NUP188: variants seen among roughly 807,000 people sequenced by gnomAD.
NUP188 encodes nucleoporin 188.
In NUP188, 97 loss-of-function variants were observed where a neutral mutation model predicts 223.0. The ratio of observed to expected loss-of-function variants is 0.43; its 90% CI spans 0.37 to 0.51. The LOEUF (loss-of-function observed/expected upper bound fraction) is 0.51, where lower values mean the gene tolerates loss of function less well. Among genes scored for constraint, NUP188 ranks in the 20% least tolerant of loss-of-function variants. The probability of loss-of-function intolerance (pLI) is 0.00; values close to 1 mark genes in which losing one functional copy is unlikely to be tolerated. For synonymous variants in NUP188, 869 were observed against 828.0 expected, an observed-to-expected ratio of 1.05 and a Z score of -0.85; for missense variants, 1,947 against 2,175.6, an observed-to-expected ratio of 0.89 and a Z score of 2.09.
intron 6 of NUP188, 95 bp from the exon 7 acceptor site, chr9:128,958,707 C>A: frequency 1.7e-6 from 1 of 575,182 alleles, no homozygotes; most frequent in Non-Finnish European, 2.9e-6. Context: ...TTGAACTTTT[C>A]CATCCACATC....
intron 12 of NUP188, among the ~76,000 whole-genome samples, chr9:128,976,262 A>G (rs1031152229): frequency 4.6e-5 from 7 of 152,208 alleles, no homozygotes; most frequent in African/African-American, 1.2e-4. Context: ...CCTGAAAACT[A>G]AATCACTCTG....
chr9:128,986,307 G>A (rs2131170311), intron 20 of NUP188, among the ~76,000 whole-genome samples: 1 of 152,188 alleles, frequency 6.6e-6, no homozygotes, highest in Middle Eastern at 3.4e-3. Context: ...TCCAGATTTA[G>A]CCTGCATCCC....
intron 2 of NUP188, among the ~76,000 whole-genome samples, chr9:128,950,949 A>C (rs1841774422): frequency 6.6e-6 from 1 of 152,174 alleles, no homozygotes; most frequent in Non-Finnish European, 1.5e-5. Flanking sequence ...CTTTTATGAA[A>C]AGATACCTGT....
In NUP188 at chr9:128,974,389, G is replaced by GTTTTTTTT. The variant is rs778841218; in HGVS notation, c.1203+1153_1203+1160dup. ...AGTAAGTCTTCTGCAGCAGGTTGTTGTTTTTTTTTTTTTTTTTTTTGAGAC... is the reference window on the plus strand; with the variant it reads ...AGTAAGTCTTCTGCAGCAGGTTGTTGTTTTTTTTTTTTTTTTTTTTTTTTTTTTGAGAC... On this transcript the variant is annotated intron_variant, in intron 12 of 43. Coordinates refer to ENST00000372577, the MANE Select transcript of NUP188 (RefSeq NM_015354.3). Among the ~76,000 whole-genome samples the GTTTTTTTT allele has an allele frequency of 4.4e-5, 5 of 113,332 alleles. 1 individual carries two copies. The highest frequency in any genetic ancestry group is 1.4e-4 in the African/African-American group (4 of 28,906). 74.4% of individuals were successfully genotyped at this position (113,332 alleles called of 152,430 possible). A position where few individuals can be genotyped will look rare whatever the true frequency, so the allele number is the denominator to read the frequency against.
chr9:128,947,917 C>A, intron 1 of NUP188, 166 bp downstream of exon 1: 1 of 511,750 alleles, frequency 2.0e-6, no homozygotes, highest in Non-Finnish European at 3.1e-6. Context: ...ACGGTCCCCG[C>A]GCGCGGGGAT....
chr9:128,955,983 T>G (rs1841863110), intron 3 of NUP188, among the ~76,000 whole-genome samples: 1 of 61,746 alleles, frequency 1.6e-5, no homozygotes, highest in Non-Finnish European at 2.7e-5. Flanking sequence ...GGTAAGTTAT[T>G]TACCCTAAGT....
intron 20 of NUP188, 87 bp downstream of exon 20, chr9:128,985,101 G>A: frequency 1.1e-6 from 1 of 909,618 alleles, no homozygotes; most frequent in Non-Finnish European, 1.7e-6. Flanking sequence ...CTGGCCCCTG[G>A]TGCTGTAATC....
chr9:128,959,127 A>G lies in NUP188; in HGVS notation c.578A>G (p.Asn193Ser). ...TEAPTWETHGNLMTERQVSRW... is the reference protein window; with the variant it reads ...TEAPTWETHGSLMTERQVSRW... ...GCACCAACTTGGGAGACACATGGAA[A>G]TCTCATGGTATGTGGTTACTGTGCT... Residue 193 changes from asparagine (N) to serine (S), a missense_variant, in exon 8 of 44, where the codon AAT becomes AGT. Coordinates refer to ENST00000372577, the MANE Select transcript of NUP188 (RefSeq NM_015354.3). 6.3e-7 allele frequency: 1 copy of G among 1,594,722 alleles called. No homozygotes were observed. The highest frequency in any genetic ancestry group is 1.7e-5 in the Admixed American group (1 of 57,394).
chr9:129,001,994 G>A lies in NUP188; in HGVS notation c.4137+18G>A. The A allele has an allele frequency of 1.9e-6, 3 of 1,604,188 alleles. No homozygotes were observed. Among genetic ancestry groups the A allele is most frequent in the Non-Finnish European group, 2.6e-6 (3 of 1,171,056 alleles). Reference sequence around the variant, plus strand: ...CAGCACAGGTGAGTGTCAGGAGCTTGCCAGGAGGCCCAGCCTGACCACCCT... The same window carrying A: ...CAGCACAGGTGAGTGTCAGGAGCTTACCAGGAGGCCCAGCCTGACCACCCT... On this transcript the variant is annotated intron_variant, in intron 36 of 43. Transcript: ENST00000372577.
At chr9:128,988,893 T>TTTTTG (rs1259789395) in intron 24 of NUP188, among the ~76,000 whole-genome samples, 7 of 151,688 alleles carry the variant, frequency 4.6e-5, no homozygotes, top group Non-Finnish European at 7.4e-5. Flanking sequence ...GCCCGGCTAA[T>TTTTTG]TTTTGTTTTG....
At chr9:128,986,918 A>G (rs1190872642) in intron 22 of NUP188, 43 bp downstream of exon 22, 1 of 1,568,990 alleles carries the variant, frequency 6.4e-7, no homozygotes, top group Non-Finnish European at 8.8e-7. Flanking sequence ...TCGCCAAGGC[A>G]AGACACGGGC....
chr9:128,967,989 C>T (rs1424092926), intron 8 of NUP188, among the ~76,000 whole-genome samples: 1 of 152,042 alleles, frequency 6.6e-6, no homozygotes, highest in African/African-American at 2.4e-5. Flanking sequence ...TGGCTGGGCA[C>T]AGTGGCTTAC....
chr9:129,002,958 C>G lies in NUP188; in HGVS notation c.4279C>G (p.Gln1427Glu), dbSNP rs1213211701. 2 of 1,614,034 alleles carry G rather than the reference C, an allele frequency of 1.2e-6. No homozygotes were observed. The highest frequency in any genetic ancestry group is 2.7e-5 in the African/African-American group (2 of 74,932). Residue 1427 changes from glutamine (Q) to glutamate (E), a missense_variant, in exon 37 of 44, where the codon CAG becomes GAG. Physicochemically the swap from Gln to Glu is conservative, Grantham distance 29. Transcript: ENST00000372577. ...GGCCCTGGACTTCGTGGGTGTCCACCAGGAGCGGACCTTACAGGTGAGGGG... is the reference window on the plus strand; with the variant it reads ...GGCCCTGGACTTCGTGGGTGTCCACGAGGAGCGGACCTTACAGGTGAGGGG... Reference protein sequence around the residue: ...PEALDFVGVHQERTLQCLNAV... With the variant: ...PEALDFVGVHEERTLQCLNAV...
intron 5 of NUP188, among the ~76,000 whole-genome samples, chr9:128,957,351 G>A (rs866642823): frequency 2.0e-5 from 3 of 152,120 alleles, no homozygotes; most frequent in Admixed American, 6.6e-5. Flanking sequence ...AAAAAGTAAA[G>A]AATATATATG....
At chr9:128,961,125 G>T (rs1208987393) in intron 8 of NUP188, among the ~76,000 whole-genome samples, 1 of 145,852 alleles carries the variant, frequency 6.9e-6, no homozygotes, top group Non-Finnish European at 1.5e-5. Flanking sequence ...GAAAATGCAA[G>T]TCTGGCCAAT....
Position 128,990,215 on chromosome 9 carries a change from C to T in NUP188, c.2629C>T (p.Arg877Cys), listed in dbSNP as rs1283695401. ...LPRLAIQLLK[R>C]LATVAPMSVY... is the part of the protein sequence containing the mutation. The stretch of plus-strand genomic sequence containing the variant: ...ACGTCTTGCCATTCAGCTGCTGAAA[C>T]GTCTGGCCACGGTAGGATCGTACTT... The change falls in exon 25 of 44, where the codon CGT (arginine) becomes TGT (cysteine). Residue 877 changes from arginine to cysteine, a missense_variant. Coordinates refer to ENST00000372577, the MANE Select transcript of NUP188 (RefSeq NM_015354.3). 2.5e-6 allele frequency: 4 copies of T among 1,612,830 alleles called. No homozygotes were observed. The highest frequency in any genetic ancestry group is 3.4e-6 in the Non-Finnish European group (4 of 1,178,794).
rs1043000207 is a variant in NUP188, at chr9:128,947,896, G to C, written c.32+145G>C. ...TGGACGGGCACCGAGACGGGAGGCG[G>C]TTACGTCCAAACGGTCCCCGCGCGC... On this transcript the variant is annotated intron_variant, in intron 1 of 43. Transcript: ENST00000372577. The C allele has an allele frequency of 5.5e-6, 4 of 725,066 alleles. No individual in the cohort carries two copies. In the East Asian group the frequency reaches 9.9e-5, roughly 18 times the overall value. The allele number at this position is 725,066 out of a possible 1,614,324, so 44.9% of individuals were successfully genotyped here.
chr9:128,962,762 G>T (rs929678489), intron 8 of NUP188, among the ~76,000 whole-genome samples: 6 of 152,190 alleles, frequency 3.9e-5, no homozygotes, highest in Non-Finnish European at 8.8e-5. Context: ...GCCATTATTC[G>T]CAACTAAATT....
At chr9:128,964,224 C>A in intron 8 of NUP188, 2 of 359,198 alleles carry the variant, frequency 5.6e-6, no homozygotes, top group Non-Finnish European at 1.1e-5. Context: ...CATTTTTATC[C>A]CATTGTTTTT....
Sources: allele counts gnomAD v4.1 joint callset (sites outside exome capture counted in the v4.1 genomes callset), GRCh38; gene constraint gnomAD v4.1.1; transcripts MANE v1.5; gene names NCBI Gene and HGNC (gene_info 2026-07-23, HGNC 2026-07-21).